The following WDR75 variants were observed in gnomAD, a reference collection of about 807,000 sequenced individuals.
WDR75 encodes the protein WD repeat domain 75.
A neutral mutation model predicts 106.1 loss-of-function variants in WDR75; 52 were observed. The ratio of observed to expected loss-of-function variants is 0.49; its 90% CI spans 0.39 to 0.62. The LOEUF is 0.62. Among genes scored for constraint, WDR75 ranks in the 20% least tolerant of loss-of-function variants. WDR75 has a pLI of 0.00. For synonymous variants in WDR75, 333 were observed against 335.5 expected (o/e 0.99, Z 0.08); for missense variants, 905 against 970.3 (o/e 0.93, Z 0.89).
intron 9 of WDR75, among the ~76,000 whole-genome samples, chr2:189,463,491 T>C (rs1686941435): frequency 6.6e-6 from 1 of 152,058 alleles, no homozygotes; most frequent in South Asian, 2.1e-4. Context: ...CTGAGCCACA[T>C]TGGAAAAAGA....
At position 189,469,376 on chromosome 2, in the gene WDR75, A is replaced by G. The variant is rs1271396953; in HGVS notation, c.1756A>G (p.Met586Val). The G allele has an allele frequency of 6.2e-7, 1 of 1,613,600 alleles. No individual in the cohort carries two copies. Among genetic ancestry groups the G allele is most frequent in the Non-Finnish European group, 8.5e-7 (1 of 1,179,620 alleles). Residue 586 changes from methionine to valine, a missense_variant, in exon 16 of 21, where the codon ATG becomes GTG. Transcript: ENST00000314761. The stretch of plus-strand genomic sequence containing the variant: ...GAATGCAAAATTAAATGTTAGAGTT[A>G]TGGAACCCGATCCTAATTCAGAGAA... Reference protein sequence around the residue: ...EWNAKLNVRVMEPDPNSENIA... With the variant: ...EWNAKLNVRVVEPDPNSENIA...
chr2:189,442,261 A>T (rs532785554), intron 1 of WDR75, among the ~76,000 whole-genome samples: 1 of 152,196 alleles, frequency 6.6e-6, no homozygotes, highest in Non-Finnish European at 1.5e-5. Context: ...ATATGTTAAA[A>T]CTACAGACAA....
At chr2:189,446,468 A>C (rs1238834952) in intron 1 of WDR75, among the ~76,000 whole-genome samples, 1 of 152,200 alleles carries the variant, frequency 6.6e-6, no homozygotes, top group East Asian at 1.9e-4. Flanking sequence ...TTTGTTGCTC[A>C]TACATTCTTG....
chr2:189,462,154 A>G (rs1478869546), intron 8 of WDR75, among the ~76,000 whole-genome samples: 1 of 151,638 alleles, frequency 6.6e-6, no homozygotes, highest in Non-Finnish European at 1.5e-5. Flanking sequence ...TTTTATATAT[A>G]TATAATATTT....
intron 4 of WDR75, among the ~76,000 whole-genome samples, chr2:189,452,938 T>C (rs796352762): frequency 3.3e-5 from 5 of 152,238 alleles, no homozygotes; most frequent in African/African-American, 1.2e-4. Flanking sequence ...GGCAGGAGGA[T>C]TGCTTGAGGT....
rs12993393 is a variant in WDR75, at chr2:189,450,884, T to A, written c.217-19T>A. 1 of 1,599,744 alleles carries A rather than the reference T, an allele frequency of 6.3e-7. No individual in the cohort carries two copies. The highest frequency in any genetic ancestry group is 8.5e-7 in the Non-Finnish European group (1 of 1,176,902). ...ATTTCTTTTTTTTAAATCAATTTTG[T>A]ATTGTTTTACCCTTTTAGCTGTATT... On this transcript the variant is annotated intron_variant, in intron 2 of 20. Transcript: ENST00000314761.
chr2:189,468,758 T>C (rs1021697574), intron 15 of WDR75, among the ~76,000 whole-genome samples, 189 bp downstream of exon 15: 1 of 152,174 alleles, frequency 6.6e-6, no homozygotes, highest in Non-Finnish European at 1.5e-5. Flanking sequence ...ATTAACTGCT[T>C]AATTGTTGGT....
chr2:189,468,644 C>A, intron 15 of WDR75, 75 bp downstream of exon 15: 2 of 1,439,448 alleles, frequency 1.4e-6, no homozygotes, highest in African/African-American at 1.4e-5. Context: ...CATTTTAGGA[C>A]TTAGGGATCA....
At position 189,465,187 on chromosome 2, in the gene WDR75, C is replaced by T. The variant is rs756258509; in HGVS notation, c.1222C>T (p.Arg408Trp). The change falls in exon 12 of 21, where the codon CGG becomes TGG. Residue 408 changes from arginine to tryptophan, a missense_variant. By Grantham distance (101) the Arg-to-Trp change is moderately radical. Transcript: ENST00000314761. ...TAACTGGCTTGCAACAGTGGAACAG[C>T]GGCAAGAAAAGGAAACTGAGCTTGA... ...FGNWLATVEQ[R>W]QEKETELELQ... 31 of 1,612,614 alleles carry T rather than the reference C, an allele frequency of 1.9e-5. No homozygotes were observed. The highest frequency in any genetic ancestry group is 6.7e-5 in the Admixed American group (4 of 59,892).
chr2:189,459,215 A>C (rs1186901689), intron 7 of WDR75, 121 bp from the exon 8 acceptor site: 2 of 730,018 alleles, frequency 2.7e-6, no homozygotes, highest in African/African-American at 3.7e-5. Context: ...CATTAAGACC[A>C]GAAGCCTTTA....
intron 1 of WDR75, among the ~76,000 whole-genome samples, chr2:189,444,727 A>G (rs886347748): frequency 5.3e-5 from 8 of 152,262 alleles, no homozygotes; most frequent in African/African-American, 1.7e-4. Flanking sequence ...TGCCTCCTTA[A>G]CTATAGCTCC....
At position 189,463,675 on chromosome 2, in the gene WDR75, T is replaced by C. The variant is rs1298374592; in HGVS notation, c.938-19T>C. 3 of 1,613,128 alleles carry C rather than the reference T, an allele frequency of 1.9e-6. No individual in the cohort carries two copies. The highest frequency in any genetic ancestry group is 2.2e-5 in the East Asian group (1 of 44,880). The stretch of plus-strand genomic sequence containing the variant: ...TCTAACCTATTGATATTTAAATACC[T>C]ATTTTTTTCTACCCACAGAGATAAT... On this transcript the variant is annotated intron_variant, in intron 9 of 20. Coordinates refer to ENST00000314761, the MANE Select transcript of WDR75 (RefSeq NM_032168.3).
intron 18 of WDR75, among the ~76,000 whole-genome samples, chr2:189,472,242 G>T (rs1400518993): frequency 1.3e-5 from 2 of 152,104 alleles, no homozygotes; most frequent in African/African-American, 4.8e-5. Flanking sequence ...TTGTGGTGGG[G>T]TAGAGAATAG....
In WDR75 at chr2:189,474,269, C is replaced by T. The variant is rs112735676; in HGVS notation, c.2133C>T (p.Asn711=). 33 of 1,613,620 alleles carry T rather than the reference C, an allele frequency of 2.0e-5. No homozygotes were observed. In the African/African-American group the frequency reaches 2.1e-4, roughly 10 times the overall value. The change falls in exon 19 of 21, where the codon AAC becomes AAT. Residue 711 remains asparagine, a synonymous_variant. Transcript: ENST00000314761. Reference sequence around the variant, plus strand: ...GGCAACAGCAGGATGAAAAACTAAACGAAACTTTAGAGAATGAGCTGGTAC... The same window carrying T: ...GGCAACAGCAGGATGAAAAACTAAATGAAACTTTAGAGAATGAGCTGGTAC... ...KHRQQQDEKL[N]ETLENELVQL...
intron 4 of WDR75, among the ~76,000 whole-genome samples, chr2:189,454,462 A>C (rs7419276): frequency 0.63 from 95,516 of 151,700 alleles, 31,080 homozygotes; most frequent in Non-Finnish European, 0.71. Flanking sequence ...TCCATTTTAA[A>C]ACCCAGCTTA....
chr2:189,456,375 C>T (rs1474298939), intron 5 of WDR75, among the ~76,000 whole-genome samples: 1 of 151,754 alleles, frequency 6.6e-6, no homozygotes, highest in African/African-American at 2.4e-5. Context: ...GTAAATTAAC[C>T]CAAATATTCA....
chr2:189,472,489 A>G (rs1444696488), intron 18 of WDR75, among the ~76,000 whole-genome samples: 1 of 151,844 alleles, frequency 6.6e-6, no homozygotes, highest in African/African-American at 2.4e-5. Flanking sequence ...TGTTTTGCCT[A>G]TTTTTTGTTT....
At chr2:189,450,386 T>A in intron 2 of WDR75, 1 of 971,354 alleles carries the variant, frequency 1.0e-6, no homozygotes, top group Non-Finnish European at 1.2e-6. Flanking sequence ...TTCTGGAGAG[T>A]CTCACTCTGT....
intron 12 of WDR75, 90 bp from the exon 13 acceptor site, chr2:189,466,335 G>C (rs1268132866): frequency 1.0e-5 from 14 of 1,393,560 alleles, no homozygotes; most frequent in African/African-American, 1.5e-5. Flanking sequence ...TGTTCAAGAT[G>C]CTATTGTAAA....
Sources: gnomAD v4.1 joint callset for allele counts (sites outside exome capture counted in the v4.1 genomes callset) on GRCh38, gnomAD v4.1.1 for gene constraint, MANE v1.5 for transcripts, NCBI Gene and HGNC (gene_info 2026-07-23, HGNC 2026-07-21) for gene names.